Variants in PIGB observed in about 807,000 individuals in gnomAD.
PIGB encodes GPI alpha-1,2-mannosyltransferase 3.
PIGB carries 58 observed loss-of-function variants against 68.4 expected under a neutral mutation model. That is an observed-to-expected ratio of 0.85 (90% CI 0.69 to 1.06). The LOEUF is 1.06. PIGB is among the 50% of genes least tolerant of loss of function. PIGB has a pLI of 0.00. For missense variants in PIGB, 634 were observed against 655.8 expected (o/e 0.97, Z 0.36); for synonymous variants, 219 against 220.5 (o/e 0.99, Z 0.06).
At chr15:55,354,014 T>A (rs1357956587) in intron 10 of PIGB, among the ~76,000 whole-genome samples, 1 of 115,964 alleles carries the variant, frequency 8.6e-6, no homozygotes, top group Non-Finnish European at 1.7e-5. Context: ...AAAAAAACAC[T>A]TCAAACTTGC....
intron 9 of PIGB, among the ~76,000 whole-genome samples, chr15:55,344,651 G>T (rs1219818533): frequency 6.6e-6 from 1 of 152,134 alleles, no homozygotes; most frequent in Non-Finnish European, 1.5e-5. Context: ...AATATATTTT[G>T]TGACTGGCTC....
At chr15:55,354,368 G>T (rs1197015107) in intron 10 of PIGB, among the ~76,000 whole-genome samples, 2 of 151,956 alleles carry the variant, frequency 1.3e-5, no homozygotes, top group African/African-American at 4.8e-5. Flanking sequence ...AGCAGAAAGG[G>T]AAGAGAGAAA....
At chr15:55,340,867 C>G (rs1344385825) in intron 8 of PIGB, 44 bp downstream of exon 8, 16 of 1,219,832 alleles carry the variant, frequency 1.3e-5, no homozygotes, top group Non-Finnish European at 1.7e-5. Context: ...TTTATGTTAC[C>G]AAGAAATCAA....
At chr15:55,339,224 G>A in intron 6 of PIGB, 43 bp from the exon 7 acceptor site, 4 of 1,442,404 alleles carry the variant, frequency 2.8e-6, no homozygotes, top group Non-Finnish European at 3.8e-6. Flanking sequence ...TGGATTTTCA[G>A]CAAGCTCCAA....
chr15:55,327,733 T>G, intron 4 of PIGB, 98 bp downstream of exon 4: 1 of 731,552 alleles, frequency 1.4e-6, no homozygotes, highest in South Asian at 1.6e-5. Context: ...TTTTAGAAGA[T>G]AATTCATACA....
At chr15:55,340,435 G>C (rs956573585) in intron 7 of PIGB, 177 bp from the exon 8 acceptor site, 2 of 349,874 alleles carry the variant, frequency 5.7e-6, no homozygotes, top group African/African-American at 2.5e-5. Context: ...CAGCCTGGGC[G>C]ACAGAGCAAG....
At chr15:55,347,983 C>CTTTTTTTTT (rs576991463) in intron 9 of PIGB, among the ~76,000 whole-genome samples, 25 of 93,996 alleles carry the variant, frequency 2.7e-4, no homozygotes, top group Non-Finnish European at 4.0e-4. Context: ...GCCATAGTTT[C>CTTTTTTTTT]TTTTTTTTTT....
rs371293512 is a variant in PIGB, at chr15:55,329,736, T to C, written c.535T>C (p.Leu179=). 58 of 1,610,360 alleles carry C rather than the reference T, an allele frequency of 3.6e-5. 1 individual carries two copies. In the African/African-American group the frequency reaches 4.1e-4, roughly 12 times the overall value. The change falls in exon 5 of 12, where the codon TTG becomes CTG. Residue 179 remains leucine, a synonymous_variant. Transcript: ENST00000164305. ...TACTTTTTCTTAGTTTTTTTGCCAG[T>C]TGTGCTCCTGGTTCACATGGTATTG... is the stretch of plus-strand genomic sequence containing the variant. The part of the protein sequence containing the change: ...EVARWVFFCQ[L]CSWFTWYCCT...
chr15:55,326,779 G>A (rs2055296961), intron 3 of PIGB, among the ~76,000 whole-genome samples: 1 of 152,208 alleles, frequency 6.6e-6, no homozygotes, highest in African/African-American at 2.4e-5. Flanking sequence ...GGAGCTTGCA[G>A]TGAGCCGCGG....
intron 9 of PIGB, among the ~76,000 whole-genome samples, chr15:55,347,983 CTTTTTTTTT>C (rs576991463): frequency 3.8e-4 from 36 of 94,000 alleles, no homozygotes; most frequent in East Asian, 4.1e-4. Flanking sequence ...GCCATAGTTT[CTTTTTTTTT>C]TTTTTTTTTT....
intron 5 of PIGB, among the ~76,000 whole-genome samples, chr15:55,331,093 GTC>G (rs990071169): frequency 6.6e-6 from 1 of 152,178 alleles, no homozygotes; most frequent in African/African-American, 2.4e-5. Context: ...TCCTGCCTTA[GTC>G]TTCCATCATT....
Position 55,319,285 on chromosome 15 carries a change from C to T in PIGB, c.35C>T (p.Pro12Leu). The change falls in exon 1 of 12, where the codon CCG becomes CTG. Residue 12 changes from proline to leucine, a missense_variant. Coordinates refer to ENST00000164305, the MANE Select transcript of PIGB (RefSeq NM_004855.5). ...RRPLSKCGME[P>L]GGGDASLTLH... The stretch of plus-strand genomic sequence containing the variant: ...CCCCTAAGCAAGTGCGGAATGGAGC[C>T]GGGGGGCGGAGATGCCAGCCTCACT... 5.0e-6 allele frequency: 8 copies of T among 1,606,820 alleles called. No homozygotes were observed. Among genetic ancestry groups the T allele is most frequent in the Non-Finnish European group, 6.8e-6 (8 of 1,177,222 alleles).
At chr15:55,320,945 AG>A (rs890924973) in intron 2 of PIGB, among the ~76,000 whole-genome samples, 1 of 152,188 alleles carries the variant, frequency 6.6e-6, no homozygotes, top group African/African-American at 2.4e-5. Flanking sequence ...ACATTCCCAC[AG>A]TACTTAGCAC....
intron 10 of PIGB, among the ~76,000 whole-genome samples, chr15:55,352,042 G>A (rs1437228008): frequency 4.1e-5 from 6 of 147,914 alleles, no homozygotes; most frequent in African/African-American, 9.9e-5. Context: ...TCTGCCTCCC[G>A]GGTTCAAGCG....
intron 1 of PIGB, 71 bp downstream of exon 1, chr15:55,319,484 GCC>G: frequency 8.3e-7 from 1 of 1,207,948 alleles, no homozygotes; most frequent in South Asian, 1.6e-5. Flanking sequence ...TTCATTACCA[GCC>G]AGTTGCCCGT....
intron 9 of PIGB, among the ~76,000 whole-genome samples, chr15:55,342,478 C>T (rs764036004): frequency 2.6e-5 from 4 of 152,186 alleles, no homozygotes; most frequent in East Asian, 3.9e-4. Flanking sequence ...GCAACCTCCA[C>T]CTCCCTGTGT....
intron 2 of PIGB, among the ~76,000 whole-genome samples, chr15:55,320,934 T>C (rs573805542): frequency 2.6e-5 from 4 of 152,336 alleles, no homozygotes; most frequent in East Asian, 3.9e-4. Flanking sequence ...GCCGTTAGCA[T>C]ACATTCCCAC....
intron 9 of PIGB, chr15:55,343,634 G>A (rs2141205642): frequency 6.6e-6 from 1 of 152,204 alleles, no homozygotes; most frequent in Non-Finnish European, 1.5e-5. Flanking sequence ...TGTAACCAGG[G>A]CCTATTCACA....
intron 9 of PIGB, among the ~76,000 whole-genome samples, chr15:55,344,890 C>CTTTTTTTTT (rs1164109873): frequency 1.3e-4 from 13 of 98,896 alleles, no homozygotes; most frequent in African/African-American, 1.7e-4. Flanking sequence ...ATATTCTTAT[C>CTTTTTTTTT]TTTTTTTTTT....
Sources: gnomAD v4.1 joint callset for allele counts (sites outside exome capture counted in the v4.1 genomes callset) on GRCh38, gnomAD v4.1.1 for gene constraint, MANE v1.5 for transcripts, NCBI Gene and HGNC (gene_info 2026-07-23, HGNC 2026-07-21) for gene names.